Variants in CPLANE1 observed in about 807,000 individuals in gnomAD.
The protein encoded by CPLANE1 is ciliogenesis and planar polarity effector 1.
A neutral mutation model predicts 362.5 loss-of-function variants in CPLANE1; 263 were observed. The observed-to-expected ratio is 0.73, with a 90% confidence interval of 0.66 to 0.80. CPLANE1 has a LOEUF of 0.80. Among genes scored for constraint, CPLANE1 ranks in the 30% least tolerant of loss-of-function variants. The pLI, the probability that CPLANE1 is intolerant of heterozygous loss-of-function variation, is 0.00. For synonymous variants in CPLANE1, 1,212 were observed against 1,302.6 expected (o/e 0.93, Z 1.50); for missense variants, 3,461 against 3,793.4 (o/e 0.91, Z 2.30).
intron 19 of CPLANE1, 48 bp from the exon 20 acceptor site, chr5:37,198,914 T>C (rs758553477): frequency 6.4e-7 from 1 of 1,555,428 alleles, no homozygotes; most frequent in Admixed American, 1.8e-5. Context: ...ATGAGAAAAT[T>C]TAGAATGTTA....
the CPLANE1 span, among the ~76,000 whole-genome samples, chr5:37,088,493 T>C: frequency 6.6e-6 from 1 of 152,308 alleles, no homozygotes; most frequent in Admixed American, 6.5e-5. Flanking sequence ...ACCAAGGTAA[T>C]TCAGGGAAAG....
intron 46 of CPLANE1, among the ~76,000 whole-genome samples, chr5:37,127,612 G>A (rs555224984): frequency 3.4e-4 from 50 of 147,610 alleles, no homozygotes; most frequent in Middle Eastern, 7.1e-3. Context: ...TCTGCCTCCC[G>A]GGTTTAAGCG....
At chr5:37,218,140 TG>T (rs1375531677) in intron 15 of CPLANE1, among the ~76,000 whole-genome samples, 1 of 152,180 alleles carries the variant, frequency 6.6e-6, no homozygotes, top group Non-Finnish European at 1.5e-5. Flanking sequence ...GGCTGGTATC[TG>T]GGAACTTGGA....
At chr5:37,112,918 G>A (rs1394153136) in intron 51 of CPLANE1, among the ~76,000 whole-genome samples, 5 of 152,110 alleles carry the variant, frequency 3.3e-5, no homozygotes, top group East Asian at 1.9e-4. Flanking sequence ...CTGGATCTCC[G>A]GGACTTTCAA....
chr5:37,140,355 AT>A, intron 44 of CPLANE1: 1 of 980,834 alleles, frequency 1.0e-6, no homozygotes, highest in Non-Finnish European at 1.2e-6. Flanking sequence ...ATATTGTTCT[AT>A]TTAATTTATT....
intron 51 of CPLANE1, among the ~76,000 whole-genome samples, chr5:37,110,803 C>CTTTTTTTT (rs529885756): frequency 8.0e-6 from 1 of 125,046 alleles, no homozygotes; most frequent in African/African-American, 3.1e-5. Flanking sequence ...AATGTATTAA[C>CTTTTTTTT]TTTTTTTTTT....
chr5:37,233,864 G>C (rs1199265969), intron 8 of CPLANE1, among the ~76,000 whole-genome samples: 1 of 152,106 alleles, frequency 6.6e-6, no homozygotes, highest in East Asian at 1.9e-4. Flanking sequence ...GCCACTACTA[G>C]GGCCTGAAGA....
Position 37,183,436 on chromosome 5 carries a change from C to A in CPLANE1, c.4745G>T (p.Gly1582Val). Residue 1582 changes from glycine to valine, a missense_variant, in exon 26 of 53, where the codon GGA becomes GTA. This residue lies in a region of CPLANE1 where 3,380 missense variants were observed against 3,666.1 expected (regional missense o/e 0.92). Coordinates refer to ENST00000651892, the MANE Select transcript of CPLANE1 (RefSeq NM_001384732.1). ...ADIPFLTSFS[G>V]KLREHELNSL... is the part of the protein sequence containing the mutation. ...ATTAAGTTCATGTTCTCTAAGCTTT[C>A]CAGAAAAACTAGTTAGAAATGGAAT... The A allele has an allele frequency of 6.2e-7, 1 of 1,613,582 alleles. No individual in the cohort carries two copies. Among genetic ancestry groups the A allele is most frequent in the Non-Finnish European group, 8.5e-7 (1 of 1,179,744 alleles).
intron 37 of CPLANE1, 107 bp downstream of exon 37, chr5:37,164,166 T>C (rs1777624349): frequency 1.2e-6 from 1 of 831,464 alleles, no homozygotes; most frequent in South Asian, 1.7e-5. Context: ...GAATTTGTAG[T>C]CAGCTGGGCA....
intron 6 of CPLANE1, 110 bp downstream of exon 6, chr5:37,242,903 G>T: frequency 1.5e-6 from 1 of 672,862 alleles, no homozygotes; most frequent in Non-Finnish European, 2.5e-6. Flanking sequence ...TACTCAGGAG[G>T]CTGAGCTATG....
At chr5:37,149,249 A>T (rs1772748645) in intron 42 of CPLANE1, among the ~76,000 whole-genome samples, 1 of 152,142 alleles carries the variant, frequency 6.6e-6, no homozygotes, top group Non-Finnish European at 1.5e-5. Flanking sequence ...CTCAGTATCT[A>T]TGAGGGATTG....
At position 37,179,444 on chromosome 5, in the gene CPLANE1, C is replaced by A; in HGVS notation, c.5738-1G>T. On this transcript the variant is annotated splice_acceptor_variant, in intron 28 of 52. Coordinates refer to ENST00000651892, the MANE Select transcript of CPLANE1 (RefSeq NM_001384732.1). LOFTEE classifies it high-confidence loss of function. ...CCTCCAACAGATTCTTCAATGTCTT[C>A]TAGCGATAAGTGAAGATGAAGAGAA... 6.2e-7 allele frequency: 1 copy of A among 1,606,494 alleles called. No homozygotes were observed. The highest frequency in any genetic ancestry group is 8.5e-7 in the Non-Finnish European group (1 of 1,175,720).
the CPLANE1 span, among the ~76,000 whole-genome samples, chr5:37,083,451 G>A: frequency 6.6e-6 from 1 of 152,030 alleles, no homozygotes; most frequent in Non-Finnish European, 1.5e-5. Context: ...ACCTGAAAAA[G>A]AATTAAGAAG....
chr5:37,178,443 G>T (rs957568432), intron 29 of CPLANE1, among the ~76,000 whole-genome samples: 12 of 142,528 alleles, frequency 8.4e-5, no homozygotes, highest in Admixed American at 7.8e-4. Context: ...ACAAAAAAAT[G>T]TTTTTTTTTT....
Position 37,226,673 on chromosome 5 carries a change from T to C in CPLANE1, c.1922A>G (p.His641Arg). ...AWILCIFQLF[H>R]QCLSIHYWDI... ...CCAATAATGGATTGATAAACACTGA[T>C]GAAAAAGTTGAAAGATACAAAGTAT... Residue 641 changes from histidine to arginine, a missense_variant, in exon 12 of 53, where the codon CAT (histidine) becomes CGT (arginine). By Grantham distance (29) the His-to-Arg change is conservative. Transcript: ENST00000651892. The C allele has an allele frequency of 6.4e-7, 1 of 1,551,044 alleles. No individual in the cohort carries two copies. Among genetic ancestry groups the C allele is most frequent in the Non-Finnish European group, 8.7e-7 (1 of 1,146,744 alleles).
intron 34 of CPLANE1, among the ~76,000 whole-genome samples, chr5:37,168,220 A>C (rs1778822312): frequency 9.4e-6 from 1 of 106,230 alleles, no homozygotes; most frequent in East Asian, 2.4e-4. Context: ...GCTACTAATC[A>C]CAGATTCTGG....
chr5:37,227,881 T>G, intron 9 of CPLANE1, 64 bp from the exon 10 acceptor site: 1 of 1,425,928 alleles, frequency 7.0e-7, no homozygotes, highest in Middle Eastern at 2.0e-4. Context: ...AACAATAATG[T>G]TTTTCAAAAA....
rs1554051123 is a variant in CPLANE1 at position 37,123,926 on chromosome 5, A to AACATAC, written c.8958+1312_8958+1317dup. On this transcript the variant is annotated intron_variant, in intron 47 of 52. Transcript: ENST00000651892. ...AACCCATTCTACATTAGGCTAGGGG[A>AACATAC]ACATACACACACACACACACACACA... Among the ~76,000 whole-genome samples, 11 of 99,730 alleles carry AACATAC rather than the reference A, an allele frequency of 1.1e-4. 1 individual carries two copies. The highest frequency in any genetic ancestry group is 5.4e-4 in the African/African-American group (11 of 20,474). The allele number at this position is 99,730 out of a possible 152,430, so 65.4% of individuals were successfully genotyped here.
At chr5:37,211,463 G>A in intron 16 of CPLANE1, 2 of 1,437,270 alleles carry the variant, frequency 1.4e-6, no homozygotes, top group Non-Finnish European at 1.9e-6. Flanking sequence ...TTGTCTCTGA[G>A]CAGCCTCAAG....
Sources: allele counts gnomAD v4.1 joint callset (sites outside exome capture counted in the v4.1 genomes callset), GRCh38; gene constraint gnomAD v4.1.1; regional missense constraint gnomAD v4.1.1; transcripts MANE v1.5; gene names NCBI Gene and HGNC (gene_info 2026-07-23, HGNC 2026-07-21).